The following SOS1 variants were observed in gnomAD, a reference collection of about 807,000 sequenced individuals.
SOS1 encodes son of sevenless homolog 1.
Under a neutral mutation model 157.6 loss-of-function variants are expected in SOS1, and 25 were observed. The ratio of observed to expected loss-of-function variants is 0.16; its 90% CI spans 0.12 to 0.22. The LOEUF (loss-of-function observed/expected upper bound fraction) is 0.22. SOS1 is among the 10% of genes least tolerant of loss of function. The pLI is 1.00. For synonymous variants in SOS1, 528 were observed against 534.0 expected (o/e 0.99, Z 0.16); for missense variants, 1,237 against 1,599.1 (o/e 0.77, Z 3.86).
chr2:39,016,255 C>T (rs1369088272), intron 10 of SOS1, among the ~76,000 whole-genome samples: 1 of 152,026 alleles, frequency 6.6e-6, no homozygotes, highest in African/African-American at 2.4e-5. Flanking sequence ...TAAAGATTTA[C>T]AGAATAAAAA....
chr2:39,060,259 G>T (rs748989723), intron 2 of SOS1, among the ~76,000 whole-genome samples: 1 of 152,042 alleles, frequency 6.6e-6, no homozygotes, highest in Non-Finnish European at 1.5e-5. Context: ...TGACCCTGTG[G>T]CTTTCCAACA....
At chr2:39,020,055 T>G (rs1312571364) in intron 10 of SOS1, among the ~76,000 whole-genome samples, 2 of 151,682 alleles carry the variant, frequency 1.3e-5, no homozygotes, top group Non-Finnish European at 3.0e-5. Flanking sequence ...TGAGTCAATG[T>G]AACATGGTAG....
At chr2:39,029,998 C>T (rs575649124) in intron 8 of SOS1, among the ~76,000 whole-genome samples, 7 of 151,702 alleles carry the variant, frequency 4.6e-5, no homozygotes, top group Admixed American at 3.3e-4. Flanking sequence ...GACGTCTCAT[C>T]TCTACAAATA....
intron 2 of SOS1, among the ~76,000 whole-genome samples, chr2:39,066,494 T>G (rs1423720420): frequency 2.0e-5 from 3 of 152,338 alleles, no homozygotes; most frequent in East Asian, 3.9e-4. Flanking sequence ...TATTCTTCTC[T>G]CCAACTTTCG....
chr2:39,012,381 A>G, intron 13 of SOS1, 33 bp from the exon 14 acceptor site: 1 of 964,666 alleles, frequency 1.0e-6, no homozygotes, highest in Non-Finnish European at 1.5e-6. Context: ...TAACATTTAA[A>G]TATTCTTTAT....
chr2:39,122,486 C>G (rs947838902), upstream of SOS1, among the ~76,000 whole-genome samples: 1 of 144,024 alleles, frequency 6.9e-6, no homozygotes, highest in Non-Finnish European at 1.5e-5. Context: ...ACACACAGAC[C>G]GGCCGGGCGC....
chr2:39,023,241 A>G lies in SOS1; in HGVS notation c.1203-16T>C, dbSNP rs1170738711. The G allele has an allele frequency of 2.1e-5, 33 of 1,595,978 alleles. No homozygotes were observed. The highest frequency in any genetic ancestry group is 2.6e-5 in the Non-Finnish European group (30 of 1,164,750). The stretch of plus-strand genomic sequence containing the variant: ...TGCAGATTCACTGGAATAAAGAAAA[A>G]GACATTATTAGTACATAGATGACAG... On this transcript the variant is annotated splice_polypyrimidine_tract_variant and intron_variant, in intron 9 of 22. Transcript: ENST00000402219.
intron 10 of SOS1, among the ~76,000 whole-genome samples, chr2:39,020,013 C>A (rs958020296): frequency 1.3e-5 from 2 of 151,628 alleles, no homozygotes; most frequent in Non-Finnish European, 3.0e-5. Flanking sequence ...AAAATTACAA[C>A]ATATTCTATT....
In SOS1 at chr2:39,023,220, G is replaced by A; in HGVS notation, c.1208C>T (p.Ser403Phe). 2.5e-6 allele frequency: 4 copies of A among 1,611,278 alleles called. No homozygotes were observed. Among genetic ancestry groups the A allele is most frequent in the Non-Finnish European group, 3.4e-6 (4 of 1,177,962 alleles). The change falls in exon 10 of 23, where the codon TCT becomes TTT. Residue 403 changes from serine (S) to phenylalanine (F), a missense_variant. Physicochemically the swap from Ser to Phe is radical, Grantham distance 155 (BLOSUM62 -2). Around this residue, in one of 15 missense-constraint regions of SOS1, gnomAD observed 101 missense variants for 171.5 expected, o/e 0.59. Coordinates refer to ENST00000402219, the MANE Select transcript of SOS1 (RefSeq NM_005633.4). ...KSLAKRRLSESACRFYSQQMK... is the reference protein window; with the variant it reads ...KSLAKRRLSEFACRFYSQQMK... ...TTGCTGACTATAAAACCGACATGCA[G>A]ATTCACTGGAATAAAGAAAAAGACA...
At chr2:39,086,215 G>T (rs991334703) in intron 1 of SOS1, among the ~76,000 whole-genome samples, 1 of 152,186 alleles carries the variant, frequency 6.6e-6, no homozygotes, top group Non-Finnish European at 1.5e-5. Flanking sequence ...AGGGTGAGCA[G>T]AATTTAGGTG....
chr2:39,093,632 T>G (rs1310961078), intron 1 of SOS1, among the ~76,000 whole-genome samples: 2 of 152,184 alleles, frequency 1.3e-5, no homozygotes, highest in Non-Finnish European at 1.5e-5. Flanking sequence ...GACACGAGAT[T>G]GTTTAGAGGA....
chr2:39,069,546 T>TA (rs1671725621), intron 1 of SOS1, among the ~76,000 whole-genome samples: 1 of 151,902 alleles, frequency 6.6e-6, no homozygotes, highest in South Asian at 2.1e-4. Context: ...AAACAAAACT[T>TA]ATTCATTTTT....
intron 1 of SOS1, among the ~76,000 whole-genome samples, chr2:39,089,714 C>T (rs941533383): frequency 6.6e-5 from 10 of 152,044 alleles, no homozygotes; most frequent in African/African-American, 2.4e-4. Context: ...ATCTTCATAT[C>T]CTAACACTTC....
chr2:39,046,539 C>G (rs1039933695), intron 6 of SOS1, among the ~76,000 whole-genome samples: 5 of 136,018 alleles, frequency 3.7e-5, no homozygotes, highest in African/African-American at 1.5e-4. Context: ...GAGTCTCGCT[C>G]TGTCGCCCAG....
chr2:39,112,804 C>T (rs537312375), intron 1 of SOS1, among the ~76,000 whole-genome samples: 2 of 152,086 alleles, frequency 1.3e-5, no homozygotes, highest in Non-Finnish European at 2.9e-5. Flanking sequence ...TTCGGTAGGC[C>T]GAGGCGGGCA....
At chr2:38,994,377 T>C (rs978136722) in intron 20 of SOS1, among the ~76,000 whole-genome samples, 1 of 152,188 alleles carries the variant, frequency 6.6e-6, no homozygotes. Flanking sequence ...TTTGTTTCGC[T>C]GCACTGAAAA....
chr2:39,097,292 T>C (rs1672805909), intron 1 of SOS1, among the ~76,000 whole-genome samples: 1 of 152,198 alleles, frequency 6.6e-6, no homozygotes, highest in Non-Finnish European at 1.5e-5. Flanking sequence ...ATTTTGTCAT[T>C]TTTATCAGGT....
chr2:39,026,247 C>T (rs990445370), intron 8 of SOS1, among the ~76,000 whole-genome samples: 13 of 151,198 alleles, frequency 8.6e-5, no homozygotes, highest in East Asian at 7.8e-4. Flanking sequence ...CCCAGCTACT[C>T]GGGAGGCTGA....
upstream of SOS1, among the ~76,000 whole-genome samples, chr2:39,124,499 G>T (rs183029218): frequency 6.6e-6 from 1 of 152,246 alleles, no homozygotes; most frequent in Non-Finnish European, 1.5e-5. Flanking sequence ...CGGCGAGGAC[G>T]GGGGCGGGGG....
Sources: allele counts gnomAD v4.1 joint callset (sites outside exome capture counted in the v4.1 genomes callset), GRCh38; gene constraint gnomAD v4.1.1; regional missense constraint gnomAD v4.1.1; transcripts MANE v1.5; gene names NCBI Gene and HGNC (gene_info 2026-07-23, HGNC 2026-07-21).